MAP7D2: variants seen among roughly 807,000 people sequenced by gnomAD.
MAP7D2 encodes MAP7 domain-containing protein 2.
MAP7D2 carries 33 observed loss-of-function variants against 63.5 expected under a neutral mutation model. That is an observed-to-expected ratio of 0.52 (90% CI 0.39 to 0.70). The LOEUF is 0.70. MAP7D2 is among the 30% of genes least tolerant of loss of function. The probability of loss-of-function intolerance (pLI) is 0.00; values close to 1 mark genes in which losing one functional copy is unlikely to be tolerated. For missense variants in MAP7D2, 626 were observed against 604.0 expected (o/e 1.04, Z -0.38); for synonymous variants, 224 against 223.7 (o/e 1.00, Z -0.01).
intron 7 of MAP7D2, 135 bp downstream of exon 7, chrX:20,044,229 A>C (rs1305704743): frequency 2.9e-6 from 2 of 694,011 alleles, no homozygotes; most frequent in Admixed American, 3.2e-5. Flanking sequence ...TTTTGAACTA[A>C]ATCTACCCTT....
At chrX:20,098,765 C>T (rs777862699) in intron 1 of MAP7D2, among the ~76,000 whole-genome samples, 5 of 112,400 alleles carry the variant, frequency 4.4e-5, no homozygotes, top group Admixed American at 9.4e-5. Context: ...TGGATGGCAG[C>T]GAGTAAAGAG....
chrX:20,031,748 C>T (rs1383879798), intron 8 of MAP7D2, among the ~76,000 whole-genome samples: 1 of 111,841 alleles, frequency 8.9e-6, no homozygotes, highest in Non-Finnish European at 1.9e-5. Flanking sequence ...GCATGGGCCA[C>T]AGAGCAAGAG....
At chrX:20,012,085 G>A (rs1278715972) in intron 15 of MAP7D2, among the ~76,000 whole-genome samples, 2 of 111,299 alleles carry the variant, frequency 1.8e-5, no homozygotes, top group South Asian at 3.8e-4. Context: ...CTTGCTTAGC[G>A]AATTCCCTCC....
intron 1 of MAP7D2, among the ~76,000 whole-genome samples, chrX:20,083,380 C>T (rs2065825519): frequency 8.9e-6 from 1 of 111,961 alleles, no homozygotes; most frequent in Non-Finnish European, 1.9e-5. Context: ...AGGAAAAGTG[C>T]TTTTCCCATG....
intron 10 of MAP7D2, among the ~76,000 whole-genome samples, chrX:20,023,172 A>G (rs1393808582): frequency 1.8e-5 from 2 of 112,801 alleles, no homozygotes; most frequent in Non-Finnish European, 3.7e-5. Flanking sequence ...GGACAATAAA[A>G]CAAGACAAAG....
At chrX:20,042,729 A>G (rs1209258510) in intron 7 of MAP7D2, 100 bp from the exon 8 acceptor site, 2 of 1,017,292 alleles carry the variant, frequency 2.0e-6, no homozygotes, top group South Asian at 4.4e-5. Flanking sequence ...TTTCTTTCAG[A>G]GGGATCGATA....
chrX:20,042,748 T>TA, intron 7 of MAP7D2, 119 bp from the exon 8 acceptor site: 1 of 874,993 alleles, frequency 1.1e-6, no homozygotes, highest in East Asian at 3.2e-5. Context: ...TATGAAGCTA[T>TA]AACGCTTCAC....
rs778396973 is a variant in MAP7D2, at chrX:20,038,663, G to GCAACATTAC, written c.1007+3830_1007+3838dup. Among the ~76,000 whole-genome samples the GCAACATTAC allele has an allele frequency of 1.3e-4, 15 of 111,193 alleles. 1 individual carries two copies. The South Asian group carries it at 5.7e-3, about 42-fold the overall frequency. On this transcript the variant is annotated intron_variant, in intron 8 of 16. Coordinates refer to ENST00000379643, the MANE Select transcript of MAP7D2 (RefSeq NM_001168465.2). The stretch of plus-strand genomic sequence containing the variant: ...AGCAAAATTTTTGCTTCCTGTTCCC[G>GCAACATTAC]CAACATTACGTTCTGCTGGCCTAGA...
chrX:20,063,855 G>A (rs750533062), intron 2 of MAP7D2, among the ~76,000 whole-genome samples: 1 of 112,404 alleles, frequency 8.9e-6, no homozygotes, highest in East Asian at 2.8e-4. Context: ...ACAAGATGAT[G>A]ACCGTGAAGT....
chrX:20,039,997 C>CAAA (rs759631358), intron 8 of MAP7D2, among the ~76,000 whole-genome samples: 14 of 29,652 alleles, frequency 4.7e-4, no homozygotes, highest in African/African-American at 5.6e-4. Context: ...GACTCCATCT[C>CAAA]AAAAAAAAAA....
intron 1 of MAP7D2, among the ~76,000 whole-genome samples, chrX:20,065,075 GC>G: frequency 9.0e-6 from 1 of 111,092 alleles, no homozygotes; most frequent in East Asian, 2.8e-4. Flanking sequence ...TTAATCCTTT[GC>G]CCCCAGGCAG....
At chrX:20,083,398 C>G (rs1204293073) in intron 1 of MAP7D2, among the ~76,000 whole-genome samples, 1 of 112,013 alleles carries the variant, frequency 8.9e-6, no homozygotes, top group Non-Finnish European at 1.9e-5. Context: ...ATGTGCACTA[C>G]AGGTATGCCT....
intron 1 of MAP7D2, among the ~76,000 whole-genome samples, chrX:20,080,403 C>CA (rs1450294011): frequency 9.1e-6 from 1 of 109,931 alleles, no homozygotes; most frequent in Non-Finnish European, 1.9e-5. Context: ...AAGGTGATCC[C>CA]AAAAAACCAA....
chrX:20,103,264 A>G (rs1304075165), intron 1 of MAP7D2, among the ~76,000 whole-genome samples: 2 of 112,198 alleles, frequency 1.8e-5, no homozygotes, highest in African/African-American at 3.2e-5. Flanking sequence ...TTCTCCAACC[A>G]AGTTGTGAAA....
At chrX:20,033,040 T>C (rs1159026286) in intron 8 of MAP7D2, among the ~76,000 whole-genome samples, 1 of 111,537 alleles carries the variant, frequency 9.0e-6, no homozygotes, top group African/African-American at 3.3e-5. Context: ...TGGCCCATCT[T>C]GAACCTTCAG....
chrX:20,084,545 T>TTCCCTCCCCCCCCCCCCCCCCCCCCCCCC (rs2065859248), intron 1 of MAP7D2, among the ~76,000 whole-genome samples: 1 of 55,390 alleles, frequency 1.8e-5, no homozygotes, highest in Non-Finnish European at 3.3e-5. Flanking sequence ...TTCCTTCCTG[T>TTCCCTCCCCCCCCCCCCCCCCCCCCCCCC]TCCCTCCCTC....
At chrX:20,017,550 AT>A (rs925102387) in intron 10 of MAP7D2, among the ~76,000 whole-genome samples, 3 of 112,742 alleles carry the variant, frequency 2.7e-5, no homozygotes, top group African/African-American at 9.7e-5. Flanking sequence ...TCAAAGAAAT[AT>A]TTTAAAAGAA....
chrX:20,067,867 C>T (rs756314679), intron 1 of MAP7D2, among the ~76,000 whole-genome samples: 1 of 112,318 alleles, frequency 8.9e-6, no homozygotes, highest in Non-Finnish European at 1.9e-5. Flanking sequence ...ATGAAGTAAG[C>T]AGTACTGTGA....
At chrX:20,108,537 G>C (rs766513664) in intron 1 of MAP7D2, among the ~76,000 whole-genome samples, 1 of 110,153 alleles carries the variant, frequency 9.1e-6, no homozygotes, top group East Asian at 2.8e-4. Context: ...ACCCCACCGA[G>C]GGCATGCATT....
Sources: allele counts gnomAD v4.1 joint callset (sites outside exome capture counted in the v4.1 genomes callset), GRCh38; gene constraint gnomAD v4.1.1; transcripts MANE v1.5; gene names NCBI Gene and HGNC (gene_info 2026-07-23, HGNC 2026-07-21).